Variants in FOXO3 observed in about 807,000 individuals in gnomAD.
FOXO3 encodes forkhead box O3.
Under a neutral mutation model 41.9 loss-of-function variants are expected in FOXO3, and 4 were observed. The observed-to-expected ratio is 0.10, with a 90% CI of 0.05 to 0.22. FOXO3 has a LOEUF of 0.22. Ranked by LOEUF, FOXO3 falls within the 10% of genes least tolerant of loss-of-function variation. The pLI, the probability that FOXO3 is intolerant of heterozygous loss-of-function variation, is 1.00. For missense variants in FOXO3, 534 were observed against 906.8 expected, an observed-to-expected ratio of 0.59 and a Z score of 5.28; for synonymous variants, 318 against 389.3, an observed-to-expected ratio of 0.82 and a Z score of 2.16.
chr6:108,607,150 T>A (rs1308530202), intron 1 of FOXO3, among the ~76,000 whole-genome samples: 5 of 151,798 alleles, frequency 3.3e-5, no homozygotes, highest in African/African-American at 1.2e-4. Flanking sequence ...AATTGAAATG[T>A]CTTAGAAGAA....
At chr6:108,579,781 TC>T (rs1240665356) in intron 1 of FOXO3, among the ~76,000 whole-genome samples, 2 of 151,940 alleles carry the variant, frequency 1.3e-5, no homozygotes, top group African/African-American at 4.8e-5. Context: ...CCAGTAGCAG[TC>T]CAGAAGGCTT....
rs147028903 is a variant in FOXO3 at position 108,668,846 on chromosome 6, A to G, written c.*34+3957A>G. 9.0e-3 allele frequency among the ~76,000 whole-genome samples: 1,377 copies of G among 152,244 alleles called. 12 individuals are homozygous for G. The highest frequency in any genetic ancestry group is 0.02 in the Middle Eastern group (6 of 294). On this transcript the variant is annotated intron_variant, in intron 2 of 2. Transcript: ENST00000406360. ...AGTATGTATAATTTTAAACTTGAAG[A>G]CCGGGCGCAGTGGCTCACGCTTGTA...
At chr6:108,636,656 G>A (rs1016788494) in intron 1 of FOXO3, among the ~76,000 whole-genome samples, 1 of 152,136 alleles carries the variant, frequency 6.6e-6, no homozygotes, top group African/African-American at 2.4e-5. Flanking sequence ...AATAGGGATG[G>A]AGGTCTCCAG....
At chr6:108,615,212 T>C (rs1442027615) in intron 1 of FOXO3, among the ~76,000 whole-genome samples, 2 of 152,154 alleles carry the variant, frequency 1.3e-5, no homozygotes, top group Non-Finnish European at 2.9e-5. Context: ...TTCATTCCTT[T>C]AAGTTCAGAT....
chr6:108,656,386 C>T (rs1778688964), intron 1 of FOXO3: 1 of 985,286 alleles, frequency 1.0e-6, no homozygotes, highest in South Asian at 4.7e-5. Context: ...TTTGGAAGGG[C>T]TGAAGCGGAC....
chr6:108,566,854 AT>A (rs1365199509), intron 1 of FOXO3, among the ~76,000 whole-genome samples: 1 of 152,232 alleles, frequency 6.6e-6, no homozygotes, highest in Non-Finnish European at 1.5e-5. Flanking sequence ...ACGAGTTGAT[AT>A]CAGTGGATGT....
chr6:108,607,329 G>C (rs940955867), intron 1 of FOXO3, among the ~76,000 whole-genome samples: 1 of 151,760 alleles, frequency 6.6e-6, no homozygotes, highest in African/African-American at 2.4e-5. Context: ...TGCACCTTTG[G>C]ATCGCAGCTA....
chr6:108,592,449 A>G (rs942089424), intron 1 of FOXO3, among the ~76,000 whole-genome samples: 3 of 152,202 alleles, frequency 2.0e-5, no homozygotes, highest in Non-Finnish European at 2.9e-5. Context: ...TTTATTCGTC[A>G]TCACTTAGGA....
intron 2 of FOXO3, among the ~76,000 whole-genome samples, chr6:108,666,992 C>T (rs1337625178): frequency 6.6e-6 from 1 of 152,174 alleles, no homozygotes; most frequent in East Asian, 1.9e-4. Flanking sequence ...CCTTGTTTAA[C>T]CCTCTGCCAT....
chr6:108,599,881 A>G (rs976444886), intron 1 of FOXO3, among the ~76,000 whole-genome samples: 1 of 152,186 alleles, frequency 6.6e-6, no homozygotes, highest in Admixed American at 6.5e-5. Context: ...TCCAGAATAG[A>G]ACCACATTTC....
At chr6:108,667,856 C>A (rs1402571153) in intron 2 of FOXO3, among the ~76,000 whole-genome samples, 2 of 152,160 alleles carry the variant, frequency 1.3e-5, no homozygotes, top group Non-Finnish European at 2.9e-5. Flanking sequence ...TTTAAAGAAC[C>A]ATCCAAAGGA....
chr6:108,648,671 A>G (rs911002844), intron 1 of FOXO3, among the ~76,000 whole-genome samples: 5 of 152,156 alleles, frequency 3.3e-5, no homozygotes, highest in African/African-American at 1.2e-4. Flanking sequence ...GGAAATAATC[A>G]GTTCACAAGC....
intron 1 of FOXO3, among the ~76,000 whole-genome samples, chr6:108,590,093 T>G (rs1417704674): frequency 3.9e-5 from 6 of 152,104 alleles, no homozygotes; most frequent in Admixed American, 3.9e-4. Context: ...CTGTATAAAG[T>G]TAAATATGAA....
At chr6:108,623,756 C>A (rs987954674) in intron 1 of FOXO3, among the ~76,000 whole-genome samples, 1 of 152,150 alleles carries the variant, frequency 6.6e-6, no homozygotes, top group Non-Finnish European at 1.5e-5. Flanking sequence ...AGGTCTTTAG[C>A]TATGCATTCA....
At chr6:108,576,691 A>T (rs533741671) in intron 1 of FOXO3, among the ~76,000 whole-genome samples, 1 of 152,336 alleles carries the variant, frequency 6.6e-6, no homozygotes, top group East Asian at 1.9e-4. Flanking sequence ...AATGCAGTGG[A>T]AATACATCTG....
intron 1 of FOXO3, among the ~76,000 whole-genome samples, chr6:108,655,671 C>T (rs951364202): frequency 8.5e-5 from 13 of 152,142 alleles, no homozygotes; most frequent in Non-Finnish European, 1.9e-4. Flanking sequence ...AAATTGAGGG[C>T]CTCTTCCAGA....
intron 1 of FOXO3, among the ~76,000 whole-genome samples, chr6:108,566,713 A>T (rs1050174749): frequency 6.6e-6 from 1 of 152,132 alleles, no homozygotes; most frequent in African/African-American, 2.4e-5. Context: ...TATTTTGCCT[A>T]TAGGGACAGA....
intron 2 of FOXO3, among the ~76,000 whole-genome samples, chr6:108,677,434 G>C (rs773478540): frequency 6.6e-6 from 1 of 152,140 alleles, no homozygotes; most frequent in African/African-American, 2.4e-5. Context: ...CTTTCCTGCT[G>C]TGTTGGCCCA....
chr6:108,576,490 G>C (rs999210026), intron 1 of FOXO3, among the ~76,000 whole-genome samples: 1 of 152,204 alleles, frequency 6.6e-6, no homozygotes, highest in Non-Finnish European at 1.5e-5. Flanking sequence ...GGTGCCATGT[G>C]TTAAATTAGG....
Sources: gnomAD v4.1 joint callset for allele counts (sites outside exome capture counted in the v4.1 genomes callset) on GRCh38, gnomAD v4.1.1 for gene constraint, MANE v1.5 for transcripts, NCBI Gene and HGNC (gene_info 2026-07-23, HGNC 2026-07-21) for gene names.